The following PCDHA2 variants were observed in gnomAD, a reference collection of about 807,000 sequenced individuals.
PCDHA2 encodes the protein protocadherin alpha 2.
Under a neutral mutation model 66.0 loss-of-function variants are expected in PCDHA2, and 58 were observed. The observed-to-expected ratio is 0.88, with a 90% CI of 0.71 to 1.09. The LOEUF (loss-of-function observed/expected upper bound fraction) is 1.09. Among genes scored for constraint, PCDHA2 ranks in the 50% least tolerant of loss-of-function variants. PCDHA2 has a pLI of 0.00. For synonymous variants in PCDHA2, 634 were observed against 554.0 expected (o/e 1.14, Z -2.03); for missense variants, 1,267 against 1,242.3 (o/e 1.02, Z -0.30).
intron 1 of PCDHA2, chr5:140,830,229 T>A (rs2150183105): frequency 2.0e-5 from 32 of 1,613,786 alleles, no homozygotes; most frequent in African/African-American, 2.7e-5. Flanking sequence ...CTGCTGGTCC[T>A]CACGCTACTG....
At chr5:140,978,420 G>A (rs1489182751) in intron 1 of PCDHA2, among the ~76,000 whole-genome samples, 3 of 152,220 alleles carry the variant, frequency 2.0e-5, no homozygotes, top group African/African-American at 7.2e-5. Flanking sequence ...AAAAGAGACT[G>A]TTATCAGTTG....
chr5:140,907,525 G>A (rs1016477325), intron 1 of PCDHA2, among the ~76,000 whole-genome samples: 3 of 152,196 alleles, frequency 2.0e-5, no homozygotes, highest in African/African-American at 4.8e-5. Flanking sequence ...AGGACAAATC[G>A]CTGCCCTTTC....
At chr5:140,988,634 T>G (rs1405160822) in intron 3 of PCDHA2, among the ~76,000 whole-genome samples, 1 of 152,218 alleles carries the variant, frequency 6.6e-6, no homozygotes, top group Non-Finnish European at 1.5e-5. Flanking sequence ...GTCCTGGTTT[T>G]CTGAAATTAA....
intron 1 of PCDHA2, chr5:140,801,728 T>C (rs781789244): frequency 6.2e-7 from 1 of 1,614,030 alleles, no homozygotes; most frequent in South Asian, 1.1e-5. Flanking sequence ...CCACTGAATA[T>C]TTTACCTTGG....
intron 1 of PCDHA2, chr5:140,967,797 C>T: frequency 6.2e-7 from 1 of 1,614,184 alleles, no homozygotes; most frequent in East Asian, 2.2e-5. Flanking sequence ...GGTCCAGTGC[C>T]CATGGCAGGT....
chr5:140,869,485 G>T (rs782005031), intron 1 of PCDHA2: 8 of 1,614,158 alleles, frequency 5.0e-6, no homozygotes, highest in Non-Finnish European at 6.8e-6. Flanking sequence ...GGACATTAAC[G>T]ACAACCCGCC....
At chr5:140,860,134 T>C (rs1179708512) in intron 1 of PCDHA2, 1 of 150,772 alleles carries the variant, frequency 6.6e-6, no homozygotes, top group African/African-American at 2.4e-5. Flanking sequence ...TGTGTGTGTG[T>C]ATATATATGT....
chr5:140,911,666 C>G (rs2075593137), intron 1 of PCDHA2, among the ~76,000 whole-genome samples: 1 of 152,168 alleles, frequency 6.6e-6, no homozygotes, highest in East Asian at 1.9e-4. Flanking sequence ...AACTCCTTGC[C>G]TCTCACGAAC....
At chr5:140,882,452 C>A (rs782448323) in intron 1 of PCDHA2, 1 of 1,614,042 alleles carries the variant, frequency 6.2e-7, no homozygotes, top group East Asian at 2.2e-5. Context: ...GCTGGTGCCG[C>A]GCCTGTTCCG....
At chr5:140,827,456 A>T (rs1477893229) in intron 1 of PCDHA2, among the ~76,000 whole-genome samples, 4 of 152,224 alleles carry the variant, frequency 2.6e-5, no homozygotes, top group South Asian at 2.1e-4. Context: ...GAACCTTAAG[A>T]GCATCTGATA....
chr5:140,876,960 G>A (rs781808609), intron 1 of PCDHA2: 4 of 1,613,122 alleles, frequency 2.5e-6, no homozygotes, highest in East Asian at 4.5e-5. Context: ...CGCTGGTGGA[G>A]CGGCGGGTGG....
chr5:140,992,369 A>G (rs1554252849), intron 3 of PCDHA2, among the ~76,000 whole-genome samples: 1 of 152,188 alleles, frequency 6.6e-6, no homozygotes, highest in Non-Finnish European at 1.5e-5. Context: ...AATGGTTCCC[A>G]TTACATTATT....
At position 140,853,369 on chromosome 5, in the gene PCDHA2, T is replaced by A. The variant is rs1471724448; in HGVS notation, c.2388+56017T>A. On this transcript the variant is annotated intron_variant, in intron 1 of 3. Transcript: ENST00000526136. ...ACATGAACTCACAGGGATCCAGAGA[T>A]GGTAAAATTCAAAACAGCCTGTCAA... is the stretch of plus-strand genomic sequence containing the variant. 3.1e-6 allele frequency: 3 copies of A among 982,868 alleles called. 1 individual carries two copies. The highest frequency in any genetic ancestry group is 3.7e-6 in the Non-Finnish European group (3 of 815,606). The allele number at this position is 982,868 out of a possible 1,614,324, so 60.9% of individuals were successfully genotyped here.
chr5:140,927,564 G>A (rs868927450), intron 1 of PCDHA2: 1 of 1,614,150 alleles, frequency 6.2e-7, no homozygotes, highest in South Asian at 1.1e-5. Context: ...TCATTGTGGT[G>A]GACACAAATG....
chr5:140,926,585 G>T, intron 1 of PCDHA2: 1 of 283,896 alleles, frequency 3.5e-6, no homozygotes, highest in Non-Finnish European at 6.5e-6. Flanking sequence ...CACCTCTCGC[G>T]CCCGGGCGGG....
At chr5:141,000,393 CTCTATATATA>C (rs1279908183) in intron 3 of PCDHA2, among the ~76,000 whole-genome samples, 25 of 52,852 alleles carry the variant, frequency 4.7e-4, no homozygotes, top group South Asian at 8.2e-4. Flanking sequence ...CTCTCTCTCT[CTCTATATATA>C]TATATATATA....
intron 3 of PCDHA2, among the ~76,000 whole-genome samples, chr5:140,990,966 A>G (rs2097424130): frequency 6.6e-6 from 1 of 152,214 alleles, no homozygotes; most frequent in Non-Finnish European, 1.5e-5. Context: ...GTCTCTTAGA[A>G]CAAGAGAAAG....
At chr5:140,843,641 C>G (rs2150364392) in intron 1 of PCDHA2, 1 of 1,595,514 alleles carries the variant, frequency 6.3e-7, no homozygotes, top group Admixed American at 1.7e-5. Context: ...GGCCTTCAGC[C>G]CCTGCCTTCC....
In PCDHA2 at chr5:140,876,910, T is replaced by C. The variant is rs184817309; in HGVS notation, c.2388+79558T>C. On this transcript the variant is annotated intron_variant, in intron 1 of 3. Transcript: ENST00000526136. ...CTGCCACATCTTCACGGTGTCGGCA[T>C]GGGACGCGGACGCGCAGAAGAACGC... 5 of 1,613,976 alleles carry C rather than the reference T, an allele frequency of 3.1e-6. No individual in the cohort carries two copies. In the African/African-American group the frequency reaches 4.0e-5, roughly 13 times the overall value.
Sources: gnomAD v4.1 joint callset for allele counts (sites outside exome capture counted in the v4.1 genomes callset) on GRCh38, gnomAD v4.1.1 for gene constraint, MANE v1.5 for transcripts, NCBI Gene and HGNC (gene_info 2026-07-23, HGNC 2026-07-21) for gene names.